The following AUH variants were observed in gnomAD, a reference collection of about 807,000 sequenced individuals.
AUH encodes the protein AU RNA binding methylglutaconyl-CoA hydratase, also known as methylglutaconyl-CoA hydratase, mitochondrial.
A neutral mutation model predicts 42.3 loss-of-function variants in AUH; 29 were observed. The observed-to-expected ratio is 0.69, with a 90% CI of 0.51 to 0.93. The LOEUF (loss-of-function observed/expected upper bound fraction) is 0.93, where lower values mean the gene tolerates loss of function less well. AUH is among the 40% of genes least tolerant of loss of function. The probability of loss-of-function intolerance (pLI) is 0.00; values close to 1 mark genes in which losing one functional copy is unlikely to be tolerated. For missense variants in AUH, 452 were observed against 438.1 expected (o/e 1.03, Z -0.28); for synonymous variants, 174 against 166.4 (o/e 1.05, Z -0.35).
intron 3 of AUH, among the ~76,000 whole-genome samples, chr9:91,328,489 T>A (rs1412070897): frequency 6.6e-6 from 1 of 152,142 alleles, no homozygotes; most frequent in Non-Finnish European, 1.5e-5. Context: ...TACACTGAGT[T>A]ATAAACTGGT....
At chr9:91,347,180 G>A (rs1831576586) in intron 3 of AUH, among the ~76,000 whole-genome samples, 1 of 151,804 alleles carries the variant, frequency 6.6e-6, no homozygotes. Flanking sequence ...TGGGATTACA[G>A]GAATGTGCCA....
In AUH at chr9:91,302,663, G is replaced by C. The variant is rs181544044; in HGVS notation, c.506-4587C>G. On this transcript the variant is annotated intron_variant, in intron 4 of 9. Transcript: ENST00000375731. ...TGCGTGCCTGTAATCCCAGCTACTG[G>C]GAAGGTGAGGCAGGGGAATTGCTTG... Among the ~76,000 whole-genome samples the C allele has an allele frequency of 2.2e-3, 331 of 152,080 alleles. 2 individuals are homozygous for C. The highest frequency in any genetic ancestry group is 3.3e-3 in the Non-Finnish European group (224 of 68,014).
At chr9:91,251,367 T>TAA (rs1326954609) in intron 6 of AUH, among the ~76,000 whole-genome samples, 3 of 152,242 alleles carry the variant, frequency 2.0e-5, no homozygotes, top group African/African-American at 7.2e-5. Flanking sequence ...GGTCTTTCTA[T>TAA]AATGCAGAGG....
chr9:91,223,679 C>A (rs1257379098), intron 6 of AUH, among the ~76,000 whole-genome samples: 3 of 152,156 alleles, frequency 2.0e-5, no homozygotes, highest in Non-Finnish European at 2.9e-5. Context: ...ATTTTACATT[C>A]CTACCAACAG....
chr9:91,230,452 C>G (rs1827801515), intron 6 of AUH, among the ~76,000 whole-genome samples: 1 of 151,332 alleles, frequency 6.6e-6, no homozygotes, highest in Non-Finnish European at 1.5e-5. Context: ...GTTATACATT[C>G]TTCTAAATTT....
intron 4 of AUH, among the ~76,000 whole-genome samples, chr9:91,313,804 T>C (rs1828914905): frequency 6.7e-6 from 1 of 149,166 alleles, no homozygotes. Context: ...CTCTGTGCAG[T>C]ATCTGGTCCA....
At chr9:91,285,977 CT>C (rs1444889205) in intron 6 of AUH, among the ~76,000 whole-genome samples, 1 of 151,962 alleles carries the variant, frequency 6.6e-6, no homozygotes. Context: ...ATGTAAGCCT[CT>C]TTTTTAAAAA....
At chr9:91,329,864 G>A (rs977383703) in intron 3 of AUH, among the ~76,000 whole-genome samples, 2 of 152,050 alleles carry the variant, frequency 1.3e-5, no homozygotes, top group African/African-American at 4.8e-5. Context: ...ATAATAAAAA[G>A]TAACTGTAAA....
At chr9:91,221,176 C>T (rs1326888346) in intron 6 of AUH, among the ~76,000 whole-genome samples, 184 bp from the exon 7 acceptor site, 1 of 152,138 alleles carries the variant, frequency 6.6e-6, no homozygotes, top group Non-Finnish European at 1.5e-5. Flanking sequence ...ACTAATAACA[C>T]CAAAAAAGGA....
chr9:91,286,786 T>C lies in AUH; in HGVS notation c.655+9235A>G, dbSNP rs115282352. On this transcript the variant is annotated intron_variant, in intron 6 of 9. Coordinates refer to ENST00000375731, the MANE Select transcript of AUH (RefSeq NM_001698.3). ...TACCTACCTAACTACCTATCGTGTT[T>C]GTATGGGGACACTGAGGAGATGTTA... is the stretch of plus-strand genomic sequence containing the variant. 7.4e-3 allele frequency among the ~76,000 whole-genome samples: 1,123 copies of C among 152,068 alleles called. 11 individuals carry two copies. The highest frequency in any genetic ancestry group is 0.025 in the African/African-American group (1,038 of 41,492).
intron 6 of AUH, among the ~76,000 whole-genome samples, chr9:91,226,283 G>T (rs1827472509): frequency 6.7e-6 from 1 of 149,560 alleles, no homozygotes; most frequent in East Asian, 2.0e-4. Flanking sequence ...GTTCTGATTT[G>T]CATTTCTCTG....
chr9:91,303,751 T>C (rs75038097), intron 4 of AUH, among the ~76,000 whole-genome samples: 6,478 of 152,314 alleles, frequency 0.043, 211 homozygotes, highest in Non-Finnish European at 0.058. Context: ...CTAAAATCTT[T>C]CAAGAAGAAT....
intron 4 of AUH, among the ~76,000 whole-genome samples, chr9:91,322,854 T>C (rs1287593314): frequency 6.6e-6 from 1 of 152,226 alleles, no homozygotes; most frequent in African/African-American, 2.4e-5. Flanking sequence ...CTTATTCTAG[T>C]AATGTATGGC....
chr9:91,282,338 T>A (rs1403602364), intron 6 of AUH, among the ~76,000 whole-genome samples: 1 of 152,136 alleles, frequency 6.6e-6, no homozygotes, highest in Non-Finnish European at 1.5e-5. Flanking sequence ...TTCCCCTATT[T>A]TTTTTTTCTA....
At chr9:91,351,870 T>C (rs2132052769) in intron 3 of AUH, among the ~76,000 whole-genome samples, 1 of 152,342 alleles carries the variant, frequency 6.6e-6, no homozygotes, top group East Asian at 1.9e-4. Context: ...CATATTTCTC[T>C]TAGGCTACAA....
intron 4 of AUH, among the ~76,000 whole-genome samples, chr9:91,309,370 G>T (rs1468915989): frequency 6.6e-6 from 1 of 152,038 alleles, no homozygotes; most frequent in African/African-American, 2.4e-5. Flanking sequence ...TACTTGGCCT[G>T]TCAACAGCAT....
intron 5 of AUH, 97 bp downstream of exon 5, chr9:91,297,887 C>T (rs1436213152): frequency 4.9e-6 from 5 of 1,019,914 alleles, no homozygotes; most frequent in Non-Finnish European, 7.5e-6. Flanking sequence ...ATATTCTACT[C>T]AACAACAGGA....
intron 6 of AUH, among the ~76,000 whole-genome samples, chr9:91,233,140 A>T (rs577709544): frequency 6.6e-6 from 1 of 152,150 alleles, no homozygotes; most frequent in Non-Finnish European, 1.5e-5. Flanking sequence ...CGCAATAAAG[A>T]AAGAAATACA....
intron 4 of AUH, among the ~76,000 whole-genome samples, chr9:91,322,972 T>C (rs891470805): frequency 2.0e-5 from 3 of 152,300 alleles, no homozygotes; most frequent in Admixed American, 6.5e-5. Flanking sequence ...TTAAAAGCAT[T>C]TGACAAACTT....
Sources: gnomAD v4.1 joint callset for allele counts (sites outside exome capture counted in the v4.1 genomes callset) on GRCh38, gnomAD v4.1.1 for gene constraint, MANE v1.5 for transcripts, NCBI Gene and HGNC (gene_info 2026-07-23, HGNC 2026-07-21) for gene names.